The following ZBTB7C variants were observed in gnomAD, a reference collection of about 807,000 sequenced individuals.
ZBTB7C encodes the protein zinc finger and BTB domain-containing protein 7C.
ZBTB7C carries 8 observed loss-of-function variants against 25.7 expected under a neutral mutation model. That is an observed-to-expected ratio of 0.31 (90% CI 0.18 to 0.56). The LOEUF (loss-of-function observed/expected upper bound fraction) is 0.56. Among genes scored for constraint, ZBTB7C ranks in the 20% least tolerant of loss-of-function variants. The pLI, the probability that ZBTB7C is intolerant of heterozygous loss-of-function variation, is 0.91. For missense variants in ZBTB7C, 824 were observed against 855.2 expected, an observed-to-expected ratio of 0.96 and a Z score of 0.46; for synonymous variants, 394 against 369.0, an observed-to-expected ratio of 1.07 and a Z score of -0.78.
At chr18:48,396,015 G>A (rs1028864498) in intron 1 of ZBTB7C, among the ~76,000 whole-genome samples, 1 of 152,190 alleles carries the variant, frequency 6.6e-6, no homozygotes, top group African/African-American at 2.4e-5. Context: ...AAAGCAACGG[G>A]GGTAGAACAC....
intron 2 of ZBTB7C, among the ~76,000 whole-genome samples, chr18:48,204,163 G>T (rs905198614): frequency 2.0e-5 from 3 of 152,150 alleles, no homozygotes; most frequent in Non-Finnish European, 2.9e-5. Flanking sequence ...AGGTCACACT[G>T]CTTGCGGTGG....
At chr18:48,297,372 C>G (rs890228635) in intron 2 of ZBTB7C, among the ~76,000 whole-genome samples, 1 of 152,136 alleles carries the variant, frequency 6.6e-6, no homozygotes, top group Admixed American at 6.5e-5. Context: ...CTTATAGACA[C>G]GGTAGAAGTC....
intron 3 of ZBTB7C, among the ~76,000 whole-genome samples, chr18:48,085,701 A>G (rs893618610): frequency 6.6e-6 from 1 of 152,264 alleles, no homozygotes; most frequent in South Asian, 2.1e-4. Flanking sequence ...ATCTAATAGT[A>G]AATATCTTCA....
At chr18:48,070,731 G>A (rs2037511855) in intron 3 of ZBTB7C, among the ~76,000 whole-genome samples, 1 of 152,202 alleles carries the variant, frequency 6.6e-6, no homozygotes, top group African/African-American at 2.4e-5. Context: ...GGGGGAAGGA[G>A]TGCAAACATG....
intron 3 of ZBTB7C, among the ~76,000 whole-genome samples, chr18:48,057,549 C>T (rs1445468401): frequency 5.3e-5 from 8 of 152,190 alleles, no homozygotes; most frequent in Admixed American, 2.0e-4. Context: ...AGCCTTCCTA[C>T]TGGAGAGGTT....
intron 3 of ZBTB7C, among the ~76,000 whole-genome samples, chr18:48,117,292 T>C (rs1466772724): frequency 6.6e-6 from 1 of 152,218 alleles, no homozygotes; most frequent in African/African-American, 2.4e-5. Flanking sequence ...GACTAGAATC[T>C]ACAGCCGAGG....
chr18:48,405,375 C>T (rs1344805944), intron 1 of ZBTB7C, among the ~76,000 whole-genome samples: 1 of 152,146 alleles, frequency 6.6e-6, no homozygotes, highest in African/African-American at 2.4e-5. Flanking sequence ...TCAGAGGGAA[C>T]CACATCTAAT....
chr18:48,304,047 A>G (rs932175002), intron 2 of ZBTB7C, among the ~76,000 whole-genome samples: 7 of 152,122 alleles, frequency 4.6e-5, no homozygotes, highest in Admixed American at 4.6e-4. Context: ...CGACCAGCCC[A>G]GGGTCCCCTG....
chr18:48,036,807 T>C (rs776426339), intron 4 of ZBTB7C, among the ~76,000 whole-genome samples: 34 of 152,168 alleles, frequency 2.2e-4, no homozygotes, highest in East Asian at 5.8e-4. Flanking sequence ...AGGAATCGCG[T>C]TGGGGAATTC....
At position 48,041,123 on chromosome 18, in the gene ZBTB7C, C is replaced by T; in HGVS notation, c.-16G>A. 6.3e-7 allele frequency: 1 copy of T among 1,577,544 alleles called. No individual in the cohort carries two copies. Among genetic ancestry groups the T allele is most frequent in the Non-Finnish European group, 8.6e-7 (1 of 1,159,466 alleles). ...CATTGGCCATGTTCTCAGCCAGAGC[C>T]CTGCAGAGACACACAGAGAAGAAGA... On this transcript the variant is annotated splice_region_variant and 5_prime_UTR_variant, in exon 4 of 5. Coordinates refer to ENST00000590800, the MANE Select transcript of ZBTB7C (RefSeq NM_001318841.2).
At chr18:48,293,053 G>C (rs1218596384) in intron 2 of ZBTB7C, among the ~76,000 whole-genome samples, 1 of 152,176 alleles carries the variant, frequency 6.6e-6, no homozygotes, top group Non-Finnish European at 1.5e-5. Context: ...TTGGCACAAT[G>C]TCCGGCCCAC....
intron 1 of ZBTB7C, among the ~76,000 whole-genome samples, chr18:48,340,331 C>T (rs567014597): frequency 6.6e-6 from 1 of 152,212 alleles, no homozygotes; most frequent in African/African-American, 2.4e-5. Context: ...TAACTTCAAA[C>T]CTTAATGGCA....
At chr18:48,129,751 C>G (rs2039929418) in intron 3 of ZBTB7C, among the ~76,000 whole-genome samples, 1 of 152,164 alleles carries the variant, frequency 6.6e-6, no homozygotes, top group African/African-American at 2.4e-5. Context: ...GAAATGCAAC[C>G]CTTGGTCCCT....
chr18:48,236,190 C>G lies in ZBTB7C; in HGVS notation c.-78-50195G>C, dbSNP rs577205928. On this transcript the variant is annotated intron_variant, in intron 2 of 4. Coordinates refer to ENST00000590800, the MANE Select transcript of ZBTB7C (RefSeq NM_001318841.2). ...GTTAGTTCACTAAATATCTCTACAA[C>G]CAAATCTACATTTTCCCATACTTCT... Among the ~76,000 whole-genome samples, 4 of 152,286 alleles carry G rather than the reference C, an allele frequency of 2.6e-5. No individual in the cohort carries two copies. The South Asian group carries it at 8.3e-4, about 32-fold the overall frequency.
chr18:48,208,024 G>A (rs934718490), intron 2 of ZBTB7C, among the ~76,000 whole-genome samples: 1 of 142,058 alleles, frequency 7.0e-6, no homozygotes, highest in East Asian at 2.4e-4. Context: ...TACTGAAAAG[G>A]TAGGGGGGTG....
At chr18:48,338,996 A>T (rs1017026966) in intron 1 of ZBTB7C, among the ~76,000 whole-genome samples, 16 of 152,182 alleles carry the variant, frequency 1.1e-4, no homozygotes, top group African/African-American at 3.6e-4. Flanking sequence ...AGTGAGAGAC[A>T]AAAGTGGAAA....
chr18:48,267,298 T>C (rs1015229595), intron 2 of ZBTB7C, among the ~76,000 whole-genome samples: 1 of 152,206 alleles, frequency 6.6e-6, no homozygotes. Context: ...TCATCCAGCA[T>C]CAGATAAGGC....
chr18:48,131,887 C>T (rs184129170), intron 3 of ZBTB7C, among the ~76,000 whole-genome samples: 15 of 152,286 alleles, frequency 9.8e-5, no homozygotes, highest in Middle Eastern at 3.4e-3. Flanking sequence ...ATATTATCAA[C>T]AAGTGTTGGT....
At chr18:48,400,783 A>G (rs1202030999) in intron 1 of ZBTB7C, among the ~76,000 whole-genome samples, 1 of 152,244 alleles carries the variant, frequency 6.6e-6, no homozygotes, top group African/African-American at 2.4e-5. Context: ...ACTTTTTAAA[A>G]AGGTGGCTGC....
Sources: allele counts gnomAD v4.1 joint callset (sites outside exome capture counted in the v4.1 genomes callset), GRCh38; gene constraint gnomAD v4.1.1; transcripts MANE v1.5; gene names NCBI Gene and HGNC (gene_info 2026-07-23, HGNC 2026-07-21).